The following CPNE2 variants were observed in gnomAD, a reference collection of about 807,000 sequenced individuals.
CPNE2 encodes copine-2.
CPNE2 carries 42 observed loss-of-function variants against 69.7 expected under a neutral mutation model. The observed-to-expected ratio is 0.60, with a 90% CI of 0.47 to 0.78. CPNE2 has a LOEUF of 0.78. Among genes scored for constraint, CPNE2 ranks in the 30% least tolerant of loss-of-function variants. The pLI is 0.00. For synonymous variants in CPNE2, 294 were observed against 289.8 expected (o/e 1.01, Z -0.15); for missense variants, 587 against 732.0 (o/e 0.80, Z 2.29).
intron 5 of CPNE2, among the ~76,000 whole-genome samples, chr16:57,117,929 C>T (rs778142939): frequency 6.6e-6 from 1 of 152,140 alleles, no homozygotes; most frequent in Non-Finnish European, 1.5e-5. Flanking sequence ...TCAGCCAAAC[C>T]TAGCCCCTTG....
chr16:57,121,539 A>G, intron 8 of CPNE2, 135 bp from the exon 9 acceptor site: 1 of 823,468 alleles, frequency 1.2e-6, no homozygotes. Context: ...TTGGGTGTGG[A>G]CATCCTGGGA....
intron 1 of CPNE2, among the ~76,000 whole-genome samples, chr16:57,096,558 G>A (rs1166416314): frequency 6.6e-6 from 1 of 151,964 alleles, no homozygotes; most frequent in African/African-American, 2.4e-5. Flanking sequence ...AATTAGCTGG[G>A]TGTTGTGGTG....
intron 1 of CPNE2, among the ~76,000 whole-genome samples, chr16:57,097,388 A>G (rs1167428): frequency 0.59 from 89,485 of 152,016 alleles, 27,071 homozygotes; most frequent in East Asian, 0.76. Context: ...TCTGTTGAAC[A>G]ACCAAATGGA....
chr16:57,109,475 CA>C lies in CPNE2; in HGVS notation c.-35-1217del, dbSNP rs1170223475. The stretch of plus-strand genomic sequence containing the variant: ...TGGGTGACAGAGCCAGACTCTGCCT[CA>C]AAAAAAAAAAAAAAAGAAAGTAAAG... On this transcript the variant is annotated intron_variant, in intron 1 of 15. Coordinates refer to ENST00000290776, the MANE Select transcript of CPNE2 (RefSeq NM_152727.6). 8.9e-3 allele frequency among the ~76,000 whole-genome samples: 844 copies of C among 94,566 alleles called. 2 individuals carry two copies. Among genetic ancestry groups the C allele is most frequent in the South Asian group, 0.011 (33 of 2,876 alleles). 62.0% of individuals were successfully genotyped at this position (94,566 alleles called of 152,430 possible).
chr16:57,111,830 A>C (rs552838527), intron 2 of CPNE2, among the ~76,000 whole-genome samples: 1 of 152,382 alleles, frequency 6.6e-6, no homozygotes, highest in South Asian at 2.1e-4. Context: ...AGCTTGAGGA[A>C]GGATGTTGAG....
chr16:57,119,125 G>T, intron 5 of CPNE2, 70 bp from the exon 6 acceptor site: 1 of 1,390,832 alleles, frequency 7.2e-7, no homozygotes, highest in Non-Finnish European at 1.0e-6. Context: ...AGGCAGCAGG[G>T]CCACACCCCC....
intron 3 of CPNE2, 56 bp from the exon 4 acceptor site, chr16:57,115,420 C>T (rs1427447679): frequency 2.1e-6 from 3 of 1,433,434 alleles, no homozygotes; most frequent in Non-Finnish European, 2.0e-6. Context: ...GAGGATTTTT[C>T]CTTCCCGGGC....
rs951429988 is a variant in CPNE2, at chr16:57,110,422, C to T, written c.-35-286C>T. Reference sequence around the variant, plus strand: ...AAATATTTTTTGCAGAGACAGGATCCTCCTTGTTGCCAGGCTGGTCTTGAA... The same window carrying T: ...AAATATTTTTTGCAGAGACAGGATCTTCCTTGTTGCCAGGCTGGTCTTGAA... On this transcript the variant is annotated intron_variant, in intron 1 of 15. Transcript: ENST00000290776. The T allele has an allele frequency of 4.8e-5, 8 of 166,698 alleles. No individual in the cohort carries two copies. In the Admixed American group the frequency reaches 5.1e-4, roughly 11 times the overall value. The allele number at this position is 166,698 out of a possible 1,614,324, so 10.3% of individuals were successfully genotyped here.
intron 1 of CPNE2, among the ~76,000 whole-genome samples, chr16:57,100,200 C>T (rs995535362): frequency 1.3e-5 from 2 of 152,154 alleles, no homozygotes; most frequent in African/African-American, 2.4e-5. Context: ...TCACCATGCC[C>T]GGCTGCATTT....
intron 3 of CPNE2, among the ~76,000 whole-genome samples, chr16:57,114,618 G>A (rs146060255): frequency 6.6e-6 from 1 of 152,286 alleles, no homozygotes; most frequent in Non-Finnish European, 1.5e-5. Context: ...TCATACTGAT[G>A]TGTGCTCCCC....
intron 14 of CPNE2, 163 bp from the exon 15 acceptor site, chr16:57,145,922 T>C: frequency 1.1e-5 from 7 of 633,592 alleles, no homozygotes; most frequent in Non-Finnish European, 1.4e-5. Context: ...AGGGGTGGGG[T>C]GCTGAGAGCA....
intron 14 of CPNE2, chr16:57,143,964 T>G (rs1449720531): frequency 6.6e-6 from 1 of 152,436 alleles, no homozygotes; most frequent in African/African-American, 2.4e-5. Flanking sequence ...CTTTTCTTTC[T>G]TCATTGCCCG....
intron 12 of CPNE2, among the ~76,000 whole-genome samples, chr16:57,131,045 C>T (rs1054351908): frequency 6.6e-6 from 1 of 152,040 alleles, no homozygotes; most frequent in Non-Finnish European, 1.5e-5. Flanking sequence ...GCTGGGGAGT[C>T]GCTGCAGATG....
In CPNE2 at chr16:57,147,790, C is replaced by T. The variant is rs1597510740; in HGVS notation, c.*132C>T. 1 of 524,076 alleles carries T rather than the reference C, an allele frequency of 1.9e-6. No homozygotes were observed. Among genetic ancestry groups the T allele is most frequent in the East Asian group, 3.3e-5 (1 of 30,598 alleles). The allele number at this position is 524,076 out of a possible 1,614,324, so 32.5% of individuals were successfully genotyped here. On this transcript the variant is annotated 3_prime_UTR_variant, in exon 16 of 16. Transcript: ENST00000290776. ...TTTTTATTTTTTACAACCGGACCTCCACCCCCAACTTCCTCCAGCCCAGCT... is the reference window on the plus strand; with the variant it reads ...TTTTTATTTTTTACAACCGGACCTCTACCCCCAACTTCCTCCAGCCCAGCT...
chr16:57,118,892 G>A (rs2069740254), intron 5 of CPNE2, among the ~76,000 whole-genome samples: 1 of 152,046 alleles, frequency 6.6e-6, no homozygotes, highest in Non-Finnish European at 1.5e-5. Flanking sequence ...TGAAGTCCTG[G>A]CCCATCTAAA....
intron 14 of CPNE2, chr16:57,143,239 CA>C (rs1248877499): frequency 2.0e-5 from 3 of 152,394 alleles, no homozygotes; most frequent in Non-Finnish European, 4.4e-5. Context: ...GCTGCACTTC[CA>C]CTGCCGAGGT....
At chr16:57,115,263 G>A (rs1049580617) in intron 3 of CPNE2, among the ~76,000 whole-genome samples, 36 of 152,160 alleles carry the variant, frequency 2.4e-4, no homozygotes, top group African/African-American at 6.5e-4. Flanking sequence ...GACCTCAGGC[G>A]GGTCTCTTAC....
chr16:57,138,709 G>A (rs1434049185), intron 14 of CPNE2, among the ~76,000 whole-genome samples: 1 of 152,178 alleles, frequency 6.6e-6, no homozygotes, highest in Non-Finnish European at 1.5e-5. Flanking sequence ...CCTGATGATG[G>A]TCGGCAATGT....
intron 11 of CPNE2, among the ~76,000 whole-genome samples, chr16:57,126,998 G>A (rs2069805524): frequency 6.6e-6 from 1 of 152,228 alleles, no homozygotes; most frequent in Admixed American, 6.5e-5. Flanking sequence ...TCCCCTCCAC[G>A]GCAGCCAAAG....
Sources: gnomAD v4.1 joint callset for allele counts (sites outside exome capture counted in the v4.1 genomes callset) on GRCh38, gnomAD v4.1.1 for gene constraint, MANE v1.5 for transcripts, NCBI Gene and HGNC (gene_info 2026-07-23, HGNC 2026-07-21) for gene names.